Variants in WDFY1 observed in about 807,000 individuals in gnomAD.
The protein encoded by WDFY1 is WD repeat and FYVE domain containing 1.
WDFY1 carries 32 observed loss-of-function variants against 56.4 expected under a neutral mutation model. That is an observed-to-expected ratio of 0.57 (90% CI 0.43 to 0.76). WDFY1 has a LOEUF of 0.76. Among genes scored for constraint, WDFY1 ranks in the 30% least tolerant of loss-of-function variants. The pLI is 0.00. For synonymous variants in WDFY1, 192 were observed against 197.3 expected, an observed-to-expected ratio of 0.97 and a Z score of 0.23; for missense variants, 480 against 545.7, an observed-to-expected ratio of 0.88 and a Z score of 1.20.
intron 1 of WDFY1, among the ~76,000 whole-genome samples, chr2:223,928,044 T>A (rs949551493): frequency 4.6e-5 from 7 of 152,186 alleles, no homozygotes; most frequent in Non-Finnish European, 2.9e-5. Context: ...AAGTTTGCCA[T>A]CTTATGTGGG....
chr2:223,896,155 CAAAAAAAAAAAAAAAAAA>C (rs71058956), intron 6 of WDFY1, among the ~76,000 whole-genome samples: 3 of 39,828 alleles, frequency 7.5e-5, no homozygotes, highest in African/African-American at 3.2e-4. Context: ...GACTCTGTCT[CAAAAAAAAAAAAAAAAAA>C]AAAAAAAAAA....
At chr2:223,943,255 T>C (rs989404403) in intron 1 of WDFY1, among the ~76,000 whole-genome samples, 1 of 151,644 alleles carries the variant, frequency 6.6e-6, no homozygotes, top group Non-Finnish European at 1.5e-5. Flanking sequence ...CCAGGTCTCA[T>C]GCACTCGATC....
At chr2:223,941,663 C>A (rs573829170) in intron 1 of WDFY1, among the ~76,000 whole-genome samples, 3 of 152,178 alleles carry the variant, frequency 2.0e-5, no homozygotes, top group Non-Finnish European at 2.9e-5. Context: ...GTCTCTCCCC[C>A]ACAGGTCTAG....
chr2:223,895,740 AGTCTTT>A, intron 6 of WDFY1, 110 bp from the exon 7 acceptor site: 18 of 1,456,510 alleles, frequency 1.2e-5, no homozygotes, highest in Middle Eastern at 1.8e-4. Flanking sequence ...GGAGCAGCTG[AGTCTTT>A]AAGCAAAAAG....
At chr2:223,888,398 A>G (rs1352914351) in intron 8 of WDFY1, among the ~76,000 whole-genome samples, 2 of 151,792 alleles carry the variant, frequency 1.3e-5, no homozygotes, top group Non-Finnish European at 2.9e-5. Flanking sequence ...TTGTCTTCAT[A>G]AGGGGCTGGC....
At position 223,878,629 on chromosome 2, in the gene WDFY1, G is replaced by A. The variant is rs1474239627; in HGVS notation, c.*42C>T. On this transcript the variant is annotated 3_prime_UTR_variant, in exon 12 of 12. Coordinates refer to ENST00000233055, the MANE Select transcript of WDFY1 (RefSeq NM_020830.5). ...CTGCGTGAGAGGGACTTCATTTGGT[G>A]GAGCTGCTGTTCTTAGGTGTGGACG... is the stretch of plus-strand genomic sequence containing the variant. The A allele has an allele frequency of 6.7e-7, 1 of 1,493,826 alleles. No individual in the cohort carries two copies. Among genetic ancestry groups the A allele is most frequent in the Non-Finnish European group, 9.3e-7 (1 of 1,072,252 alleles). The allele number at this position is 1,493,826 out of a possible 1,614,324, so 92.5% of individuals were successfully genotyped here.
intron 1 of WDFY1, among the ~76,000 whole-genome samples, chr2:223,933,472 AG>A (rs768163864): frequency 1.3e-5 from 2 of 152,188 alleles, no homozygotes; most frequent in Non-Finnish European, 2.9e-5. Flanking sequence ...ACTGAAGAGC[AG>A]GAATAATCTA....
chr2:223,903,441 T>C (rs1481643846), intron 4 of WDFY1, among the ~76,000 whole-genome samples: 2 of 151,684 alleles, frequency 1.3e-5, no homozygotes. Flanking sequence ...GAGAATTGAC[T>C]GAACCCAGGA....
In WDFY1 at chr2:223,913,598, C is replaced by G. The variant is rs184095504; in HGVS notation, c.206-1272G>C. Among the ~76,000 whole-genome samples the G allele has an allele frequency of 3.9e-5, 6 of 152,280 alleles. No homozygotes were observed. The East Asian group carries it at 1.2e-3, about 29-fold the overall frequency. ...TCAAAATGTTCTTTAATAAACCATG[C>G]ATACACTTATCTTTGACAAATCAAA... On this transcript the variant is annotated intron_variant, in intron 2 of 11. Transcript: ENST00000233055.
At chr2:223,942,416 C>T (rs903791483) in intron 1 of WDFY1, among the ~76,000 whole-genome samples, 3 of 151,054 alleles carry the variant, frequency 2.0e-5, no homozygotes, top group African/African-American at 7.3e-5. Flanking sequence ...GACTGGGTTT[C>T]GCCGTGTTAG....
intron 1 of WDFY1, among the ~76,000 whole-genome samples, chr2:223,929,220 T>C (rs1232810808): frequency 2.7e-5 from 4 of 146,840 alleles, no homozygotes; most frequent in South Asian, 4.3e-4. Flanking sequence ...AGAGTTTTGC[T>C]CTTTATGCCC....
At chr2:223,881,258 C>T (rs1017290819) in intron 10 of WDFY1, among the ~76,000 whole-genome samples, 5 of 152,180 alleles carry the variant, frequency 3.3e-5, no homozygotes, top group Admixed American at 1.3e-4. Flanking sequence ...GAACAAAGGT[C>T]TGGGCACTGG....
chr2:223,938,071 A>G (rs77582096), intron 1 of WDFY1, among the ~76,000 whole-genome samples: 29 of 152,254 alleles, frequency 1.9e-4, no homozygotes, highest in Middle Eastern at 3.4e-3. Flanking sequence ...AAAACATCTA[A>G]AAGTTGGTTT....
chr2:223,885,929 A>T (rs1204110301), intron 8 of WDFY1, among the ~76,000 whole-genome samples: 1 of 152,118 alleles, frequency 6.6e-6, no homozygotes, highest in Non-Finnish European at 1.5e-5. Flanking sequence ...TCTCCCCTCT[A>T]ACCAATGAGT....
chr2:223,897,809 C>T (rs1693423877), intron 6 of WDFY1, among the ~76,000 whole-genome samples: 2 of 151,946 alleles, frequency 1.3e-5, no homozygotes, highest in Admixed American at 6.6e-5. Flanking sequence ...AGTAAATGAG[C>T]TCCCTTGAGA....
intron 2 of WDFY1, among the ~76,000 whole-genome samples, chr2:223,914,622 C>T (rs2106090570): frequency 1.3e-5 from 2 of 152,292 alleles, no homozygotes; most frequent in South Asian, 4.1e-4. Flanking sequence ...TGTAGACCTA[C>T]CCATCACTGT....
intron 1 of WDFY1, among the ~76,000 whole-genome samples, chr2:223,937,305 A>G (rs1249725539): frequency 6.6e-6 from 1 of 152,190 alleles, no homozygotes; most frequent in Non-Finnish European, 1.5e-5. Context: ...GAAACATATT[A>G]CTCTTTCGTA....
chr2:223,895,449 C>T (rs1254274801), intron 7 of WDFY1, 55 bp downstream of exon 7: 3 of 1,612,398 alleles, frequency 1.9e-6, no homozygotes, highest in Non-Finnish European at 2.5e-6. Flanking sequence ...TAATGCCTTT[C>T]ACTAGCTCCC....
At position 223,876,105 on chromosome 2, in the gene WDFY1, TAAGA is replaced by T. The variant is rs1299550113; in HGVS notation, c.*2562_*2565del. 12 of 152,488 alleles carry T rather than the reference TAAGA, an allele frequency of 7.9e-5. No individual in the cohort carries two copies. The highest frequency in any genetic ancestry group is 1.5e-4 in the Non-Finnish European group (10 of 68,014). 9.4% of individuals were successfully genotyped at this position (152,488 alleles called of 1,614,324 possible). ...ATAGGGGTATTGCTATCATTTGAAC[TAAGA>T]AAGAACAATTTTAAAACTTGTTTAT... On this transcript the variant is annotated 3_prime_UTR_variant, in exon 12 of 12. Transcript: ENST00000233055.
Sources: gnomAD v4.1 joint callset for allele counts (sites outside exome capture counted in the v4.1 genomes callset) on GRCh38, gnomAD v4.1.1 for gene constraint, MANE v1.5 for transcripts, NCBI Gene and HGNC (gene_info 2026-07-23, HGNC 2026-07-21) for gene names.